The following COX7A1 variants were observed in gnomAD, a reference collection of about 807,000 sequenced individuals.
COX7A1 encodes cytochrome c oxidase subunit 7A1.
COX7A1 carries 21 observed loss-of-function variants against 13.2 expected under a neutral mutation model. The observed-to-expected ratio is 1.59, with a 90% CI of 1.13 to 2.29. COX7A1 has a LOEUF of 2.29. Among genes scored for constraint, COX7A1 ranks in the 30% most tolerant of loss-of-function variants. The pLI is 0.00. For synonymous variants in COX7A1, 41 were observed against 41.9 expected, an observed-to-expected ratio of 0.98 and a Z score of 0.08; for missense variants, 107 against 100.0, an observed-to-expected ratio of 1.07 and a Z score of -0.30.
At position 36,151,666 on chromosome 19, in the gene COX7A1, CA is replaced by C; in HGVS notation, c.102+2del. ...CGGATCCCCACCCCCCCCGACCCCC[CA>C]CCTGGAAGAGCTTCTGTTTCTCGCG... On this transcript the variant is annotated splice_donor_variant, in intron 2 of 3. Transcript: ENST00000292907. LOFTEE classifies it high-confidence loss of function. The C allele has an allele frequency of 6.3e-7, 1 of 1,584,880 alleles. No individual in the cohort carries two copies. The highest frequency in any genetic ancestry group is 8.6e-7 in the Non-Finnish European group (1 of 1,162,694).
intron 3 of COX7A1, 42 bp from the exon 4 acceptor site, chr19:36,151,076 C>G: frequency 6.3e-7 from 1 of 1,591,372 alleles, no homozygotes; most frequent in Non-Finnish European, 8.6e-7. Flanking sequence ...GACCTAATCC[C>G]CTCCCTGGAC....
chr19:36,150,933 G>T lies in COX7A1; in HGVS notation c.*49C>A. On this transcript the variant is annotated 3_prime_UTR_variant, in exon 4 of 4. Transcript: ENST00000292907. ...AACACAGACACACACAGAGGCCAGCGTTTATTGACACTTGTTCAAGTCTCT... is the reference window on the plus strand; with the variant it reads ...AACACAGACACACACAGAGGCCAGCTTTTATTGACACTTGTTCAAGTCTCT... The T allele has an allele frequency of 6.3e-7, 1 of 1,578,724 alleles. No individual in the cohort carries two copies. Among genetic ancestry groups the T allele is most frequent in the Non-Finnish European group, 8.7e-7 (1 of 1,147,894 alleles).
Position 36,151,651 on chromosome 19 carries a change from CCCCCCCCGA to C in COX7A1, c.102+9_102+17del. 1 of 1,283,728 alleles carries C rather than the reference CCCCCCCCGA, an allele frequency of 7.8e-7. No homozygotes were observed. Among genetic ancestry groups the C allele is most frequent in the Non-Finnish European group, 1.1e-6 (1 of 934,890 alleles). 79.5% of individuals were successfully genotyped at this position (1,283,728 alleles called of 1,614,324 possible). On this transcript the variant is annotated intron_variant, in intron 2 of 3. Coordinates refer to ENST00000292907, the MANE Select transcript of COX7A1 (RefSeq NM_001864.4). ...TCCCGGCTGGCGCGTCGGATCCCCA[CCCCCCCCGA>C]CCCCCCACCTGGAAGAGCTTCTGTT...
At chr19:36,151,962 C>A in intron 1 of COX7A1, 1 of 698,562 alleles carries the variant, frequency 1.4e-6, no homozygotes. Context: ...CTGGGGGTGA[C>A]CGGGCTGCCT....
intron 3 of COX7A1, 34 bp from the exon 4 acceptor site, chr19:36,151,068 C>T: frequency 6.2e-7 from 1 of 1,602,462 alleles, no homozygotes; most frequent in Non-Finnish European, 8.5e-7. Context: ...CAGAATGAGA[C>T]CTAATCCCCT....
At position 36,152,404 on chromosome 19, in the gene COX7A1, G is replaced by A. The variant is rs1599890561; in HGVS notation, c.4C>T (p.Gln2Ter). The A allele has an allele frequency of 2.2e-6, 3 of 1,373,834 alleles. No homozygotes were observed. Among genetic ancestry groups the A allele is most frequent in the African/African-American group, 1.5e-5 (1 of 67,458 alleles). The allele number at this position is 1,373,834 out of a possible 1,614,324, so 85.1% of individuals were successfully genotyped here. The change falls in exon 1 of 4, where the codon CAG becomes TAG. Residue 2 changes from glutamine to a stop codon, truncating the protein, a stop_gained. Transcript: ENST00000292907. LOFTEE classifies it high-confidence loss of function. ...CATGGGGGCCTCACCCGAAGGGCCTGCATTCTGCCTTGTCCTCTTCCGCCG... is the reference window on the plus strand; with the variant it reads ...CATGGGGGCCTCACCCGAAGGGCCTACATTCTGCCTTGTCCTCTTCCGCCG... M[Q>*]ALRVSQALIR... is the part of the protein sequence containing the mutation.
chr19:36,151,972 T>G (rs17879731), intron 1 of COX7A1: 89,877 of 679,418 alleles, frequency 0.13, 6,367 homozygotes, highest in African/African-American at 0.19. Flanking sequence ...CCGGGCTGCC[T>G]AGAGGGTCCT....
chr19:36,151,650 A>ACAC lies in COX7A1; in HGVS notation c.102+18_102+19insGTG. The ACAC allele has an allele frequency of 9.3e-7, 1 of 1,078,306 alleles. No individual in the cohort carries two copies. Among genetic ancestry groups the ACAC allele is most frequent in the South Asian group, 1.3e-5 (1 of 76,338 alleles). 66.8% of individuals were successfully genotyped at this position (1,078,306 alleles called of 1,614,324 possible). A position where few individuals can be genotyped will look rare whatever the true frequency, so the allele number is the denominator to read the frequency against. On this transcript the variant is annotated intron_variant, in intron 2 of 3. Coordinates refer to ENST00000292907, the MANE Select transcript of COX7A1 (RefSeq NM_001864.4). ...CTCCCGGCTGGCGCGTCGGATCCCC[A>ACAC]CCCCCCCCGACCCCCCACCTGGAAG...
intron 2 of COX7A1, 24 bp downstream of exon 2, chr19:36,151,645 T>TAGCCCCC: frequency 7.2e-7 from 1 of 1,387,632 alleles, no homozygotes; most frequent in Non-Finnish European, 9.9e-7. Context: ...GCGCGTCGGA[T>TAGCCCCC]CCCCACCCCC....
At chr19:36,151,162 T>C (rs1680478869) in intron 3 of COX7A1, 128 bp from the exon 4 acceptor site, 4 of 992,742 alleles carry the variant, frequency 4.0e-6, no homozygotes, top group Non-Finnish European at 6.0e-6. Context: ...TCCAGCTCCC[T>C]TCCCAGATTG....
At chr19:36,151,645 T>TGCCCCCCCCCC in intron 2 of COX7A1, 24 bp downstream of exon 2, 58 of 1,387,274 alleles carry the variant, frequency 4.2e-5, no homozygotes, top group Non-Finnish European at 4.8e-5. Context: ...GCGCGTCGGA[T>TGCCCCCCCCCC]CCCCACCCCC....
At chr19:36,151,623 C>G (rs763921400) in intron 2 of COX7A1, 46 bp downstream of exon 2, 37 of 1,609,476 alleles carry the variant, frequency 2.3e-5, no homozygotes, top group Admixed American at 1.0e-4. Context: ...CGGCTCGGCG[C>G]GCTCCCGGCT....
chr19:36,151,937 G>T, intron 1 of COX7A1, 182 bp from the exon 2 acceptor site: 1 of 727,582 alleles, frequency 1.4e-6, no homozygotes, highest in East Asian at 2.7e-5. Flanking sequence ...GAGGGGACTC[G>T]CCCTGGAGTC....
Position 36,151,481 on chromosome 19 carries a change from T to A in COX7A1, c.168A>T (p.Thr56=), listed in dbSNP as rs1219322122. The A allele has an allele frequency of 3.1e-6, 5 of 1,614,002 alleles. No homozygotes were observed. The East Asian group carries it at 6.7e-5, about 22-fold the overall frequency. Residue 56 remains threonine, a synonymous_variant, in exon 3 of 4, where the codon ACA becomes ACT. Coordinates refer to ENST00000292907, the MANE Select transcript of COX7A1 (RefSeq NM_001864.4). ...GCTCACCGCCCAGACACAGCGTCAT[T>A]GTCACTCGGTACAGGATGTTGTCAA... ...GIVDNILYRV[T]MTLCLGGTVY...
chr19:36,152,374 C>T lies in COX7A1; in HGVS notation c.15+19G>A, dbSNP rs1974787285. ...GTTTTCTGGGTGGGGGGCTCCGGCCCAGCCCATGGGGGCCTCACCCGAAGG... is the reference window on the plus strand; with the variant it reads ...GTTTTCTGGGTGGGGGGCTCCGGCCTAGCCCATGGGGGCCTCACCCGAAGG... On this transcript the variant is annotated intron_variant, in intron 1 of 3. Transcript: ENST00000292907. The T allele has an allele frequency of 1.5e-6, 2 of 1,343,706 alleles. No individual in the cohort carries two copies. The highest frequency in any genetic ancestry group is 9.6e-7 in the Non-Finnish European group (1 of 1,037,988). 83.2% of individuals were successfully genotyped at this position (1,343,706 alleles called of 1,614,324 possible). A position where few individuals can be genotyped will look rare whatever the true frequency, so the allele number is the denominator to read the frequency against.
At chr19:36,151,905 C>A (rs575475887) in intron 1 of COX7A1, 150 bp from the exon 2 acceptor site, 1 of 783,294 alleles carries the variant, frequency 1.3e-6, no homozygotes, top group South Asian at 1.5e-5. Flanking sequence ...TTCTGTTACC[C>A]GCGAACTGCC....
Position 36,151,011 on chromosome 19 carries a change from G to C in COX7A1, c.211C>G (p.Leu71Val). 1 of 1,614,050 alleles carries C rather than the reference G, an allele frequency of 6.2e-7. No homozygotes were observed. Among genetic ancestry groups the C allele is most frequent in the Non-Finnish European group, 8.5e-7 (1 of 1,179,952 alleles). ...TTCCTGGGGAAGGAGGCCCAGCCAA[G>C]GGAGTACAAGCTGTAGACAGTGCCT... is the stretch of plus-strand genomic sequence containing the variant. ...LGGTVYSLYS[L>V]GWASFPRN is the part of the protein sequence containing the mutation. The change falls in exon 4 of 4, where the codon CTT becomes GTT. Residue 71 changes from leucine to valine, a missense_variant. Transcript: ENST00000292907.
intron 1 of COX7A1, among the ~76,000 whole-genome samples, 175 bp downstream of exon 1, chr19:36,152,218 G>T (rs1420552965): frequency 6.6e-6 from 1 of 152,182 alleles, no homozygotes; most frequent in East Asian, 1.9e-4. Context: ...GGGGTCCCCA[G>T]TTGTCTCCGA....
At position 36,151,650 on chromosome 19, in the gene COX7A1, A is replaced by AC. The variant is rs750588406; in HGVS notation, c.102+18dup. On this transcript the variant is annotated intron_variant, in intron 2 of 3. Transcript: ENST00000292907. ...CTCCCGGCTGGCGCGTCGGATCCCC[A>AC]CCCCCCCCGACCCCCCACCTGGAAG... 1.8e-3 allele frequency: 1,892 copies of AC among 1,080,510 alleles called. 3 individuals are homozygous for AC. The highest frequency in any genetic ancestry group is 7.3e-3 in the African/African-American group (319 of 43,776). The allele number at this position is 1,080,510 out of a possible 1,614,324, so 66.9% of individuals were successfully genotyped here. A position where few individuals can be genotyped will look rare whatever the true frequency, so the allele number is the denominator to read the frequency against.
Sources: allele counts gnomAD v4.1 joint callset (sites outside exome capture counted in the v4.1 genomes callset), GRCh38; gene constraint gnomAD v4.1.1; transcripts MANE v1.5; gene names NCBI Gene and HGNC (gene_info 2026-07-23, HGNC 2026-07-21).